BRI3BP: variants seen among roughly 807,000 people sequenced by gnomAD.
BRI3BP encodes BRI3-binding protein.
Under a neutral mutation model 15.8 loss-of-function variants are expected in BRI3BP, and 7 were observed. The ratio of observed to expected loss-of-function variants is 0.44; its 90% CI spans 0.25 to 0.83. The LOEUF (loss-of-function observed/expected upper bound fraction) is 0.83, where lower values mean the gene tolerates loss of function less well. Ranked by LOEUF, BRI3BP falls within the 40% of genes least tolerant of loss-of-function variation. The probability of loss-of-function intolerance (pLI) is 0.20; values close to 1 mark genes in which losing one functional copy is unlikely to be tolerated. For synonymous variants in BRI3BP, 192 were observed against 163.5 expected, an observed-to-expected ratio of 1.17 and a Z score of -1.33; for missense variants, 320 against 339.3, an observed-to-expected ratio of 0.94 and a Z score of 0.45.
At position 125,025,471 on chromosome 12, in the gene BRI3BP, G is replaced by C; in HGVS notation, c.*41G>C. On this transcript the variant is annotated 3_prime_UTR_variant, in exon 3 of 3. Coordinates refer to ENST00000341446, the MANE Select transcript of BRI3BP (RefSeq NM_080626.6). ...GCGGGTCCACAGTTACCAGCACGCT[G>C]TCTCAGAAAACGAAAACGGAGGAAA... The C allele has an allele frequency of 6.7e-7, 1 of 1,499,524 alleles. No homozygotes were observed. The highest frequency in any genetic ancestry group is 8.9e-7 in the Non-Finnish European group (1 of 1,122,932). The allele number at this position is 1,499,524 out of a possible 1,614,324, so 92.9% of individuals were successfully genotyped here.
At chr12:124,998,710 G>A (rs1955059760) in intron 1 of BRI3BP, among the ~76,000 whole-genome samples, 2 of 152,098 alleles carry the variant, frequency 1.3e-5, no homozygotes, top group African/African-American at 2.4e-5. Context: ...TATTGTGAAC[G>A]TGCTCATGCC....
intron 1 of BRI3BP, among the ~76,000 whole-genome samples, chr12:125,004,674 G>A (rs115653236): frequency 0.019 from 2,888 of 152,108 alleles, 90 homozygotes; most frequent in African/African-American, 0.065. Context: ...ATTCGCTGAA[G>A]TCTGTACTTT....
chr12:125,014,101 C>T (rs916316956), intron 2 of BRI3BP, among the ~76,000 whole-genome samples: 1 of 152,188 alleles, frequency 6.6e-6, no homozygotes, highest in Non-Finnish European at 1.5e-5. Context: ...GCTTCAGAGG[C>T]ATCCCATGCT....
chr12:125,015,480 C>T (rs1039926481), intron 2 of BRI3BP, among the ~76,000 whole-genome samples: 5 of 152,120 alleles, frequency 3.3e-5, no homozygotes, highest in African/African-American at 7.2e-5. Flanking sequence ...TTTCAGACTT[C>T]CAGCCTCCAG....
chr12:125,009,542 G>A lies in BRI3BP; in HGVS notation c.214-2992G>A, dbSNP rs370817502. On this transcript the variant is annotated intron_variant, in intron 1 of 2. Transcript: ENST00000341446. Reference sequence around the variant, plus strand: ...TGGCCTCAGGTGATCTACTCGCCTCGGCTTCCCAAAGTGCTGAGATTACAG... The same window carrying A: ...TGGCCTCAGGTGATCTACTCGCCTCAGCTTCCCAAAGTGCTGAGATTACAG... Among the ~76,000 whole-genome samples, 21 of 152,018 alleles carry A rather than the reference G, an allele frequency of 1.4e-4. No individual in the cohort carries two copies. The East Asian group carries it at 3.9e-3, about 28-fold the overall frequency.
chr12:125,019,660 C>CTTTTTTTTTTTTT lies in BRI3BP; in HGVS notation c.317-5325_317-5324insTTTTTTTTTTTTT, dbSNP rs1955278838. On this transcript the variant is annotated intron_variant, in intron 2 of 2. Coordinates refer to ENST00000341446, the MANE Select transcript of BRI3BP (RefSeq NM_080626.6). ...CTTTTTTTTTTTTTTTTTTTTTTGC[C>CTTTTTTTTTTTTT]TTTTTTGCTGTGAGTACTTGAAAAT... Among the ~76,000 whole-genome samples, 149 of 24,694 alleles carry CTTTTTTTTTTTTT rather than the reference C, an allele frequency of 6.0e-3. 17 individuals are homozygous for CTTTTTTTTTTTTT. The highest frequency in any genetic ancestry group is 0.016 in the African/African-American group (124 of 7,698). 16.2% of individuals were successfully genotyped at this position (24,694 alleles called of 152,430 possible).
At chr12:124,998,947 G>A (rs4765199) in intron 1 of BRI3BP, among the ~76,000 whole-genome samples, 9,011 of 152,006 alleles carry the variant, frequency 0.059, 401 homozygotes, top group Admixed American at 0.14. Flanking sequence ...GCATGGTGGC[G>A]CACACCTGTG....
chr12:125,025,247 G>T lies in BRI3BP; in HGVS notation c.573G>T (p.Val191=), dbSNP rs766177067. Residue 191 remains valine, a synonymous_variant, in exon 3 of 3, where the codon GTG becomes GTT. Transcript: ENST00000341446. ...PENAVLPLCF[V]VAVYFMTGPM... ...ACGCGGTGCTGCCGCTGTGCTTCGT[G>T]GTGGCCGTCTACTTCATGACCGGGC... 7 of 1,614,136 alleles carry T rather than the reference G, an allele frequency of 4.3e-6. No homozygotes were observed. Among genetic ancestry groups the T allele is most frequent in the Non-Finnish European group, 5.1e-6 (6 of 1,180,038 alleles).
At chr12:125,039,441 T>A in the BRI3BP span, among the ~76,000 whole-genome samples, 1 of 152,214 alleles carries the variant, frequency 6.6e-6, no homozygotes. Context: ...GCAAAGAGGC[T>A]ATGTTTGACT....
chr12:125,022,924 G>C (rs1955313562), intron 2 of BRI3BP, among the ~76,000 whole-genome samples: 1 of 152,022 alleles, frequency 6.6e-6, no homozygotes, highest in African/African-American at 2.4e-5. Flanking sequence ...CTTTCAAATG[G>C]GTTAATCTAA....
chr12:125,036,267 T>C, the BRI3BP span, among the ~76,000 whole-genome samples: 1 of 151,736 alleles, frequency 6.6e-6, no homozygotes, highest in African/African-American at 2.4e-5. Flanking sequence ...GGTTTCACCA[T>C]GTTGGTCAGA....
intron 2 of BRI3BP, among the ~76,000 whole-genome samples, chr12:125,022,409 G>A (rs1284401062): frequency 2.0e-5 from 3 of 152,158 alleles, no homozygotes; most frequent in Non-Finnish European, 4.4e-5. Flanking sequence ...CTAAAGTGAT[G>A]GCAAATGCTG....
the BRI3BP span, among the ~76,000 whole-genome samples, chr12:125,047,656 A>AT: frequency 8.0e-3 from 1,217 of 151,346 alleles, 17 homozygotes; most frequent in African/African-American, 0.029. Flanking sequence ...GATTACAGGC[A>AT]TAAGCCACCA....
At chr12:125,023,059 C>G (rs1003693185) in intron 2 of BRI3BP, among the ~76,000 whole-genome samples, 1 of 152,182 alleles carries the variant, frequency 6.6e-6, no homozygotes, top group Non-Finnish European at 1.5e-5. Context: ...GTCAGGCACA[C>G]AGAAGATGCT....
At position 125,010,780 on chromosome 12, in the gene BRI3BP, A is replaced by T. The variant is rs116366323; in HGVS notation, c.214-1754A>T. Among the ~76,000 whole-genome samples, 603 of 151,972 alleles carry T rather than the reference A, an allele frequency of 4.0e-3. 5 individuals are homozygous for T. Among genetic ancestry groups the T allele is most frequent in the African/African-American group, 0.014 (577 of 41,432 alleles). ...GACAAAGCGAGACTCCAAATAAAAT[A>T]AAATTAAATTAAAACATAAAATACT... is the stretch of plus-strand genomic sequence containing the variant. On this transcript the variant is annotated intron_variant, in intron 1 of 2. Coordinates refer to ENST00000341446, the MANE Select transcript of BRI3BP (RefSeq NM_080626.6).
rs1372566329 is a variant in BRI3BP, at chr12:125,025,432, G to A, written c.*2G>A. ...CTGGACCGCTCCAAGGACAAGTGAAGGTCAGCCGGCCGGGCGGGTCCACAG... is the reference window on the plus strand; with the variant it reads ...CTGGACCGCTCCAAGGACAAGTGAAAGTCAGCCGGCCGGGCGGGTCCACAG... On this transcript the variant is annotated 3_prime_UTR_variant, in exon 3 of 3. Transcript: ENST00000341446. 1.3e-6 allele frequency: 2 copies of A among 1,581,270 alleles called. No homozygotes were observed. The highest frequency in any genetic ancestry group is 8.6e-7 in the Non-Finnish European group (1 of 1,159,600).
the BRI3BP span, among the ~76,000 whole-genome samples, chr12:125,048,334 C>T: frequency 1.3e-5 from 2 of 152,150 alleles, no homozygotes; most frequent in Non-Finnish European, 2.9e-5. Context: ...GATCTCACCC[C>T]AAGGTGGCCC....
rs115006140 is a variant in BRI3BP at position 125,018,324 on chromosome 12, C to A, written c.316+5688C>A. Among the ~76,000 whole-genome samples the A allele has an allele frequency of 7.1e-3, 1,086 of 152,230 alleles. 6 individuals carry two copies. Among genetic ancestry groups the A allele is most frequent in the African/African-American group, 0.025 (1,026 of 41,536 alleles). The stretch of plus-strand genomic sequence containing the variant: ...CTGTTTTATCTGTTGAAGTCCTAAC[C>A]CCCAGAGCCTCAGAATGGGATGCTA... On this transcript the variant is annotated intron_variant, in intron 2 of 2. Transcript: ENST00000341446.
At chr12:125,017,050 C>G (rs1283910076) in intron 2 of BRI3BP, among the ~76,000 whole-genome samples, 2 of 149,832 alleles carry the variant, frequency 1.3e-5, no homozygotes, top group Non-Finnish European at 3.0e-5. Flanking sequence ...CCGAGTATTG[C>G]TCTGTCGCCC....
Sources: gnomAD v4.1 joint callset for allele counts (sites outside exome capture counted in the v4.1 genomes callset) on GRCh38, gnomAD v4.1.1 for gene constraint, MANE v1.5 for transcripts, NCBI Gene and HGNC (gene_info 2026-07-23, HGNC 2026-07-21) for gene names.